FBXW10: variants seen among roughly 807,000 people sequenced by gnomAD.
FBXW10 encodes F-box/WD repeat-containing protein 10.
Under a neutral mutation model 113.1 loss-of-function variants are expected in FBXW10, and 68 were observed. The observed-to-expected ratio is 0.60, with a 90% CI of 0.49 to 0.74. FBXW10 has a LOEUF of 0.74. Among genes scored for constraint, FBXW10 ranks in the 30% least tolerant of loss-of-function variants. The pLI is 0.00. For missense variants in FBXW10, 753 were observed against 1,284.5 expected, an observed-to-expected ratio of 0.59 and a Z score of 6.32; for synonymous variants, 289 against 481.6, an observed-to-expected ratio of 0.60 and a Z score of 5.24.
At chr17:18,752,653 C>T (rs2151796716) in intron 5 of FBXW10, among the ~76,000 whole-genome samples, 1 of 150,510 alleles carries the variant, frequency 6.6e-6, no homozygotes, top group East Asian at 2.0e-4. Context: ...GCAGAGCTTG[C>T]AGTGAGCCGA....
chr17:18,748,254 C>G, intron 2 of FBXW10, 149 bp downstream of exon 2: 1 of 1,403,276 alleles, frequency 7.1e-7, no homozygotes, highest in Non-Finnish European at 9.4e-7. Context: ...CCCGTCTCTA[C>G]TAAAAATACA....
At chr17:18,775,499 G>T (rs945368101) in intron 13 of FBXW10, among the ~76,000 whole-genome samples, 1 of 152,140 alleles carries the variant, frequency 6.6e-6, no homozygotes, top group Non-Finnish European at 1.5e-5. Context: ...TAAGGTTTGC[G>T]TTTCCAGTTT....
chr17:18,746,916 CTT>C (rs1567613917), intron 1 of FBXW10, among the ~76,000 whole-genome samples: 3 of 149,348 alleles, frequency 2.0e-5, no homozygotes, highest in African/African-American at 7.4e-5. Flanking sequence ...TTGTGGCAAC[CTT>C]CTTTTTTTTT....
At position 18,751,068 on chromosome 17, in the gene FBXW10, C is replaced by A. The variant is rs1466282083; in HGVS notation, c.1122+15C>A. ...TGAGAACGAAGGTGGGTTCCAACAG[C>A]ATCTGGGGCAAGTAGCTGTGAGCGT... On this transcript the variant is annotated intron_variant, in intron 5 of 13. Coordinates refer to ENST00000395665, the MANE Select transcript of FBXW10 (RefSeq NM_001267585.2). The A allele has an allele frequency of 1.2e-6, 2 of 1,613,626 alleles. No individual in the cohort carries two copies. Among genetic ancestry groups the A allele is most frequent in the South Asian group, 1.1e-5 (1 of 91,054 alleles).
intron 5 of FBXW10, among the ~76,000 whole-genome samples, chr17:18,752,605 C>T (rs900832284): frequency 6.6e-6 from 1 of 151,340 alleles, no homozygotes; most frequent in African/African-American, 2.4e-5. Flanking sequence ...CCCATCTACT[C>T]GGGAGGCTGA....
intron 8 of FBXW10, among the ~76,000 whole-genome samples, chr17:18,766,016 T>G (rs1486283978): frequency 6.6e-6 from 1 of 152,018 alleles, no homozygotes; most frequent in Non-Finnish European, 1.5e-5. Flanking sequence ...CATGAGCCAC[T>G]GGGCCCGGCA....
intron 5 of FBXW10, 24 bp downstream of exon 5, chr17:18,751,077 C>T: frequency 6.2e-7 from 1 of 1,613,400 alleles, no homozygotes; most frequent in Non-Finnish European, 8.5e-7. Context: ...GCATCTGGGG[C>T]AAGTAGCTGT....
intron 12 of FBXW10, among the ~76,000 whole-genome samples, chr17:18,773,162 A>G (rs1487021771): frequency 1.3e-5 from 2 of 151,530 alleles, no homozygotes; most frequent in Non-Finnish European, 2.9e-5. Context: ...CAAACTCCCG[A>G]CCTCAGGTGA....
chr17:18,765,877 C>T (rs2151818508), intron 8 of FBXW10, among the ~76,000 whole-genome samples: 1 of 152,014 alleles, frequency 6.6e-6, no homozygotes, highest in South Asian at 2.1e-4. Flanking sequence ...CAGTCGCACG[C>T]CACCACGCCC....
rs181347226 is a variant in FBXW10 at position 18,775,865 on chromosome 17, C to T, written c.2335+673C>T. 1.3e-3 allele frequency among the ~76,000 whole-genome samples: 195 copies of T among 152,060 alleles called. 1 individual carries two copies. Among genetic ancestry groups the T allele is most frequent in the Non-Finnish European group, 2.5e-3 (171 of 67,980 alleles). On this transcript the variant is annotated intron_variant, in intron 13 of 13. Transcript: ENST00000395665. ...CCACTTAGCAAGACCCTTGTCTCTACCAAAAATTCAAAAAATTGGCCAGAT... is the reference window on the plus strand; with the variant it reads ...CCACTTAGCAAGACCCTTGTCTCTATCAAAAATTCAAAAAATTGGCCAGAT...
intron 13 of FBXW10, among the ~76,000 whole-genome samples, chr17:18,776,302 T>G (rs1198358460): frequency 6.6e-6 from 1 of 151,954 alleles, no homozygotes; most frequent in Non-Finnish European, 1.5e-5. Context: ...CTAGCCTGGG[T>G]GACAGAGCAA....
In FBXW10 at chr17:18,759,373, CTTA is replaced by C. The variant is rs2035335250; in HGVS notation, c.1433+870_1433+872del. On this transcript the variant is annotated intron_variant, in intron 7 of 13. Coordinates refer to ENST00000395665, the MANE Select transcript of FBXW10 (RefSeq NM_001267585.2). ...ATTTCTTAATCATTTTTGCTTCCTT[CTTA>C]TACATCTCCAGAAGTATTAGTTACT... 2.0e-5 allele frequency among the ~76,000 whole-genome samples: 3 copies of C among 152,204 alleles called. No individual in the cohort carries two copies. In the South Asian group the frequency reaches 6.2e-4, roughly 32 times the overall value.
At position 18,754,949 on chromosome 17, in the gene FBXW10, C is replaced by T. The variant is rs183937192; in HGVS notation, c.1123-1096C>T. On this transcript the variant is annotated intron_variant, in intron 5 of 13. Transcript: ENST00000395665. ...CAGCTACAAGGACAAATGAAAGTTGCAGATGTATGAAAACTTTGAAATGCA... is the reference window on the plus strand; with the variant it reads ...CAGCTACAAGGACAAATGAAAGTTGTAGATGTATGAAAACTTTGAAATGCA... Among the ~76,000 whole-genome samples, 772 of 152,266 alleles carry T rather than the reference C, an allele frequency of 5.1e-3. 4 individuals carry two copies. Among genetic ancestry groups the T allele is most frequent in the Non-Finnish European group, 8.8e-3 (601 of 68,026 alleles).
Position 18,744,400 on chromosome 17 carries a change from A to G in FBXW10, c.156A>G (p.Ser52=), listed in dbSNP as rs1463338943. 6.2e-7 allele frequency: 1 copy of G among 1,613,614 alleles called. No individual in the cohort carries two copies. The highest frequency in any genetic ancestry group is 2.2e-5 in the East Asian group (1 of 44,892). Residue 52 remains serine, a synonymous_variant, in exon 1 of 14, where the codon TCA becomes TCG. Transcript: ENST00000395665. The part of the protein sequence containing the change: ...KEWFCRINDI[S]QRRFLVGILK... The stretch of plus-strand genomic sequence containing the variant: ...GGTTCTGCAGGATCAATGACATATC[A>G]CAGAGGAGGTTTCTAGTTGGCATTC...
In FBXW10 at chr17:18,778,796, T is replaced by G. The variant is rs771406499; in HGVS notation, c.2657T>G (p.Leu886Arg). 1.2e-6 allele frequency: 2 copies of G among 1,613,876 alleles called. No homozygotes were observed. The highest frequency in any genetic ancestry group is 1.7e-6 in the Non-Finnish European group (2 of 1,179,848). Residue 886 changes from leucine (L) to arginine (R), a missense_variant, in exon 14 of 14, where the codon CTT becomes CGT. Transcript: ENST00000395665. The stretch of plus-strand genomic sequence containing the variant: ...GATGTGAAACGAACCAGTATTCCCC[T>G]TGAAATCCAGAAACTGCAGCCCAAC... Reference protein sequence around the residue: ...PIDVKRTSIPLEIQKLQPNLK... With the variant: ...PIDVKRTSIPREIQKLQPNLK...
Position 18,749,794 on chromosome 17 carries a change from C to T in FBXW10, c.743C>T (p.Thr248Ile). The change falls in exon 3 of 14, where the codon ACC becomes ATC. Residue 248 changes from threonine (T) to isoleucine (I), a missense_variant. Physicochemically the swap from Thr to Ile is moderately conservative, Grantham distance 89 (BLOSUM62 -1). Coordinates refer to ENST00000395665, the MANE Select transcript of FBXW10 (RefSeq NM_001267585.2). ...CTGTTTTCTGGAAAAGGAGACATAA[C>T]CAAGCCAGGGTACGATCCCTGCAAT... ...NRLFSGKGDI[T>I]KPGYDPCNLL... 2 of 1,614,196 alleles carry T rather than the reference C, an allele frequency of 1.2e-6. No individual in the cohort carries two copies. Among genetic ancestry groups the T allele is most frequent in the Non-Finnish European group, 1.7e-6 (2 of 1,180,028 alleles).
rs368179743 is a variant in FBXW10, at chr17:18,761,391, G to A, written c.1433+2886G>A. ...TGCCATTCTCCTGCCTCAGCCTCCC[G>A]AGTAGCTGGGACTACAGGCACCCGC... On this transcript the variant is annotated intron_variant, in intron 7 of 13. Transcript: ENST00000395665. 1.7e-4 allele frequency among the ~76,000 whole-genome samples: 25 copies of A among 151,454 alleles called. No individual in the cohort carries two copies. The East Asian group carries it at 1.7e-3, about 11-fold the overall frequency.
chr17:18,751,979 GC>G (rs1567616486), intron 5 of FBXW10, among the ~76,000 whole-genome samples: 1 of 152,020 alleles, frequency 6.6e-6, no homozygotes, highest in Non-Finnish European at 1.5e-5. Flanking sequence ...TTAGATTTCT[GC>G]CCCCCACTCT....
chr17:18,757,926 A>C (rs1485905159), intron 6 of FBXW10, among the ~76,000 whole-genome samples: 1 of 152,226 alleles, frequency 6.6e-6, no homozygotes, highest in Non-Finnish European at 1.5e-5. Context: ...GAAAAGAAAT[A>C]CAGTGTGCAC....
Sources: allele counts gnomAD v4.1 joint callset (sites outside exome capture counted in the v4.1 genomes callset), GRCh38; gene constraint gnomAD v4.1.1; transcripts MANE v1.5; gene names NCBI Gene and HGNC (gene_info 2026-07-23, HGNC 2026-07-21).